ZC3H11A: variants seen among roughly 807,000 people sequenced by gnomAD.
ZC3H11A encodes zinc finger CCCH-type containing 11A.
A neutral mutation model predicts 90.8 loss-of-function variants in ZC3H11A; 22 were observed. The ratio of observed to expected loss-of-function variants is 0.24; its 90% CI spans 0.17 to 0.35. The LOEUF (loss-of-function observed/expected upper bound fraction) is 0.35, where lower values mean the gene tolerates loss of function less well. Ranked by LOEUF, ZC3H11A falls within the 10% of genes least tolerant of loss-of-function variation. The pLI is 1.00. For synonymous variants in ZC3H11A, 294 were observed against 339.8 expected (o/e 0.87, Z 1.48); for missense variants, 701 against 964.9 (o/e 0.73, Z 3.62).
intron 1 of ZC3H11A, chr1:203,797,318 C>G: frequency 2.2e-6 from 1 of 459,378 alleles, no homozygotes; most frequent in South Asian, 3.6e-5. Flanking sequence ...TTAAAGCCCT[C>G]TAAGAAAGAG....
At chr1:203,849,353 C>A (rs894282451) in intron 14 of ZC3H11A, among the ~76,000 whole-genome samples, 1 of 152,136 alleles carries the variant, frequency 6.6e-6, no homozygotes, top group Non-Finnish European at 1.5e-5. Context: ...CATGATTCTC[C>A]ATTATACAAA....
At chr1:203,820,774 G>A (rs910333284) in intron 4 of ZC3H11A, among the ~76,000 whole-genome samples, 7 of 151,960 alleles carry the variant, frequency 4.6e-5, no homozygotes, top group Admixed American at 2.6e-4. Context: ...GCCACGCCCG[G>A]CGAATGGTAT....
At chr1:203,808,425 G>T (rs1161838180) in intron 2 of ZC3H11A, among the ~76,000 whole-genome samples, 1 of 152,168 alleles carries the variant, frequency 6.6e-6, no homozygotes, top group Non-Finnish European at 1.5e-5. Context: ...TAGCAGAGAT[G>T]TCTTTAAAGA....
rs562291770 is a variant in ZC3H11A at position 203,797,791 on chromosome 1, G to A, written c.-1588+1997G>A. The stretch of plus-strand genomic sequence containing the variant: ...GCCAAAAAGTTTAGTAAGGATTTGG[G>A]ATCTGGGAGGCCTGTTGCAGATGCC... On this transcript the variant is annotated intron_variant, in intron 1 of 17. Coordinates refer to ENST00000367210, the MANE Select transcript of ZC3H11A (RefSeq NM_001376342.1). 2.8e-5 allele frequency: 43 copies of A among 1,536,020 alleles called. No individual in the cohort carries two copies. The African/African-American group carries it at 4.8e-4, about 17-fold the overall frequency.
intron 1 of ZC3H11A, chr1:203,799,070 C>A (rs1442912132): frequency 6.5e-7 from 1 of 1,536,006 alleles, no homozygotes; most frequent in Non-Finnish European, 8.7e-7. Flanking sequence ...ATGGCAGGAT[C>A]CCCGATTTTA....
chr1:203,850,601 C>G lies in ZC3H11A; in HGVS notation c.2026C>G (p.His676Asp). 1.2e-6 allele frequency: 2 copies of G among 1,614,094 alleles called. No homozygotes were observed. Among genetic ancestry groups the G allele is most frequent in the Non-Finnish European group, 1.7e-6 (2 of 1,179,980 alleles). ...LAPKRKAVEM[H>D]AAVIAAVKPL... Reference sequence around the variant, plus strand: ...CCCAAAACGTAAGGCAGTGGAGATGCACGCTGCTGTCATTGCCGCTGTGAA... The same window carrying G: ...CCCAAAACGTAAGGCAGTGGAGATGGACGCTGCTGTCATTGCCGCTGTGAA... The change falls in exon 16 of 18, where the codon CAC becomes GAC. Residue 676 changes from histidine to aspartate, a missense_variant. This residue lies in a region of ZC3H11A where 530 missense variants were observed against 696.2 expected (regional missense o/e 0.76). Coordinates refer to ENST00000367210, the MANE Select transcript of ZC3H11A (RefSeq NM_001376342.1).
chr1:203,796,736 A>T (rs16852334), intron 1 of ZC3H11A: 1 of 333,636 alleles, frequency 3.0e-6, no homozygotes, highest in East Asian at 4.6e-5. Flanking sequence ...AAAGCTTCTC[A>T]AGTCTAAAAA....
chr1:203,818,082 T>C lies in ZC3H11A; in HGVS notation c.55-488T>C, dbSNP rs1298524872. Among the ~76,000 whole-genome samples, 3 of 152,280 alleles carry C rather than the reference T, an allele frequency of 2.0e-5. No homozygotes were observed. The East Asian group carries it at 5.8e-4, about 29-fold the overall frequency. On this transcript the variant is annotated intron_variant, in intron 3 of 17. Coordinates refer to ENST00000367210, the MANE Select transcript of ZC3H11A (RefSeq NM_001376342.1). ...TTAAATGATGAGTTTTGAGCAAAGC[T>C]GTGATAATTTTATCTTACCTATAGC...
At chr1:203,820,033 G>A (rs181027458) in intron 4 of ZC3H11A, among the ~76,000 whole-genome samples, 7 of 150,756 alleles carry the variant, frequency 4.6e-5, no homozygotes, top group African/African-American at 2.4e-5. Context: ...TCAGGAGTTC[G>A]AGACCAGCCT....
intron 4 of ZC3H11A, among the ~76,000 whole-genome samples, chr1:203,823,262 G>A (rs191612278): frequency 1.4e-4 from 22 of 152,302 alleles, no homozygotes; most frequent in Non-Finnish European, 2.4e-4. Flanking sequence ...AGACACTGGA[G>A]GAATCTGGAA....
intron 16 of ZC3H11A, 102 bp downstream of exon 16, chr1:203,850,783 G>T: frequency 1.4e-6 from 2 of 1,442,616 alleles, no homozygotes; most frequent in African/African-American, 1.4e-5. Context: ...TCACTTCCTG[G>T]CATTTCCTAG....
rs748729194 is a variant in ZC3H11A, at chr1:203,799,522, A to G, written c.-1587-2053A>G. The G allele has an allele frequency of 8.5e-6, 6 of 703,032 alleles. No individual in the cohort carries two copies. In the South Asian group the frequency reaches 8.9e-5, roughly 10 times the overall value. The allele number at this position is 703,032 out of a possible 1,614,324, so 43.5% of individuals were successfully genotyped here. On this transcript the variant is annotated intron_variant, in intron 1 of 17. Coordinates refer to ENST00000367210, the MANE Select transcript of ZC3H11A (RefSeq NM_001376342.1). Reference sequence around the variant, plus strand: ...TTGGAGCATTGCTACTCAGTTCACCATAGTCTTGGTAGAGCCAGTGGAGTT... The same window carrying G: ...TTGGAGCATTGCTACTCAGTTCACCGTAGTCTTGGTAGAGCCAGTGGAGTT...
chr1:203,826,168 C>T (rs566020723), intron 4 of ZC3H11A, among the ~76,000 whole-genome samples: 3 of 152,248 alleles, frequency 2.0e-5, no homozygotes, highest in South Asian at 2.1e-4. Context: ...ATCTACCTTT[C>T]GGGTGTGACA....
intron 12 of ZC3H11A, among the ~76,000 whole-genome samples, chr1:203,846,250 CTT>C (rs1257665931): frequency 6.7e-6 from 1 of 150,232 alleles, no homozygotes; most frequent in Non-Finnish European, 1.5e-5. Context: ...AGCACTATCT[CTT>C]TTCATTATTT....
At chr1:203,833,188 T>C (rs186594502) in intron 9 of ZC3H11A, among the ~76,000 whole-genome samples, 1 of 152,034 alleles carries the variant, frequency 6.6e-6, no homozygotes, top group Non-Finnish European at 1.5e-5. Context: ...ACCAACGCGG[T>C]GAAACCTTGT....
At chr1:203,833,185 C>T (rs548700493) in intron 9 of ZC3H11A, among the ~76,000 whole-genome samples, 17 of 152,160 alleles carry the variant, frequency 1.1e-4, no homozygotes, top group African/African-American at 1.9e-4. Flanking sequence ...CCGACCAACG[C>T]GGTGAAACCT....
intron 10 of ZC3H11A, 50 bp from the exon 11 acceptor site, chr1:203,837,916 C>G: frequency 1.3e-6 from 2 of 1,553,152 alleles, no homozygotes; most frequent in South Asian, 1.1e-5. Context: ...ATTTCTTGTC[C>G]TTGCTGAAGA....
At chr1:203,798,941 G>C in intron 1 of ZC3H11A, 1 of 1,536,126 alleles carries the variant, frequency 6.5e-7, no homozygotes, top group African/African-American at 1.4e-5. Flanking sequence ...TAACTTTAGA[G>C]AATGTTCAAA....
At chr1:203,815,216 C>CT (rs59254922) in intron 2 of ZC3H11A, among the ~76,000 whole-genome samples, 16 of 97,140 alleles carry the variant, frequency 1.6e-4, no homozygotes, top group African/African-American at 5.8e-4. Context: ...CTTTTCTTTT[C>CT]TTTTTTTTTT....
Sources: gnomAD v4.1 joint callset for allele counts (sites outside exome capture counted in the v4.1 genomes callset) on GRCh38, gnomAD v4.1.1 for gene constraint, gnomAD v4.1.1 regional missense constraint, MANE v1.5 for transcripts, NCBI Gene and HGNC (gene_info 2026-07-23, HGNC 2026-07-21) for gene names.